Variants in ATG2A observed in about 807,000 individuals in gnomAD.
The protein encoded by ATG2A is autophagy-related protein 2 homolog A.
A neutral mutation model predicts 214.2 loss-of-function variants in ATG2A; 103 were observed. The ratio of observed to expected loss-of-function variants is 0.48; its 90% confidence interval spans 0.41 to 0.57. The LOEUF is 0.57. ATG2A is among the 20% of genes least tolerant of loss of function. The pLI, the probability that ATG2A is intolerant of heterozygous loss-of-function variation, is 0.00. For missense variants in ATG2A, 2,312 were observed against 2,613.2 expected (o/e 0.88, Z 2.51); for synonymous variants, 1,160 against 1,142.1 (o/e 1.02, Z -0.32).
rs778015554 is a variant in ATG2A, at chr11:64,907,862, A to G, written c.2393T>C (p.Met798Thr). 1.9e-6 allele frequency: 3 copies of G among 1,613,002 alleles called. No individual in the cohort carries two copies. The highest frequency in any genetic ancestry group is 2.5e-6 in the Non-Finnish European group (3 of 1,179,876). ...CAGGGTCCGGCTCTGGAACGTCCTC[A>G]TCTCCTCAGGGTCTCCAGGGATCAC... is the stretch of plus-strand genomic sequence containing the variant. ...EMVIPGDPEE[M>T]RTFQSRTLAL... Residue 798 changes from methionine (M) to threonine (T), a missense_variant, in exon 17 of 41, where the codon ATG becomes ACG. Coordinates refer to ENST00000377264, the MANE Select transcript of ATG2A (RefSeq NM_015104.3).
intron 1 of ATG2A, among the ~76,000 whole-genome samples, chr11:64,915,135 C>G (rs1022067153): frequency 3.0e-4 from 5 of 16,420 alleles, no homozygotes; most frequent in Non-Finnish European, 1.4e-3. Context: ...AGATGGGACC[C>G]CCCCCCCCCA....
rs1467890229 is a variant in ATG2A at position 64,895,014 on chromosome 11, C to T, written c.5776G>A (p.Asp1926Asn). The T allele has an allele frequency of 5.0e-6, 8 of 1,613,014 alleles. No homozygotes were observed. The highest frequency in any genetic ancestry group is 1.1e-5 in the South Asian group (1 of 91,048). Residue 1926 changes from aspartate (D) to asparagine (N), a missense_variant, in exon 41 of 41, where the codon GAC becomes AAC. By Grantham distance (23) the Asp-to-Asn change is conservative (BLOSUM62 1). Transcript: ENST00000377264. This position sits in a 1 kb window ranked among gnomAD's most constrained non-coding sequence, Gnocchi z 5.0. Reference sequence around the variant, plus strand: ...TCCGAGCGCCACTTGAGGGCGTGGTCCTTGTGGGCGTCGGGGACAATCTGG... The same window carrying T: ...TCCGAGCGCCACTTGAGGGCGTGGTTCTTGTGGGCGTCGGGGACAATCTGG... ...RNQIVPDAHKDHALKWRSDSA... is the reference protein window; with the variant it reads ...RNQIVPDAHKNHALKWRSDSA...
intron 12 of ATG2A, 133 bp downstream of exon 12, chr11:64,910,483 G>A (rs773542460): frequency 3.9e-5 from 44 of 1,142,636 alleles, no homozygotes; most frequent in Admixed American, 3.1e-4. Flanking sequence ...GGTATTTGAG[G>A]GCCCCAGCAT....
chr11:64,907,408 G>A lies in ATG2A; in HGVS notation c.2679C>T (p.Asp893=), dbSNP rs1431303709. 2 of 1,587,434 alleles carry A rather than the reference G, an allele frequency of 1.3e-6. No individual in the cohort carries two copies. The highest frequency in any genetic ancestry group is 1.3e-5 in the African/African-American group (1 of 74,424). The change falls in exon 19 of 41, where the codon GAC becomes GAT. Residue 893 remains aspartate, a synonymous_variant. Transcript: ENST00000377264. ...ANCFDLTPDS[D]SDDEDAHFFS... is the part of the protein sequence containing the mutation. ...AGAAGTGGGCATCCTCGTCATCCGA[G>A]TCCGAGTCTGGGGTGAGATCAAAGC...
Position 64,902,280 on chromosome 11 carries a change from C to T in ATG2A, c.3884G>A (p.Arg1295Gln), listed in dbSNP as rs1174489270. ...TTCACCTGAAGGCTGGGCCAGCTCCCGTAGGCTGCGCTCGGTGTCCAGGAG... is the reference window on the plus strand; with the variant it reads ...TTCACCTGAAGGCTGGGCCAGCTCCTGTAGGCTGCGCTCGGTGTCCAGGAG... ...DALLDTERSLRELAQPSGGHL... is the reference protein window; with the variant it reads ...DALLDTERSLQELAQPSGGHL... The change falls in exon 28 of 41, where the codon CGG (arginine) becomes CAG (glutamine). Residue 1295 changes from arginine to glutamine, a missense_variant. Physicochemically the swap from Arg to Gln is conservative, Grantham distance 43. Transcript: ENST00000377264. The T allele has an allele frequency of 3.7e-6, 6 of 1,612,926 alleles. No individual in the cohort carries two copies. The highest frequency in any genetic ancestry group is 1.7e-5 in the Admixed American group (1 of 59,998).
intron 1 of ATG2A, 97 bp downstream of exon 1, chr11:64,916,868 C>T (rs1361649648): frequency 2.0e-6 from 3 of 1,521,908 alleles, no homozygotes; most frequent in Non-Finnish European, 2.7e-6. Context: ...TCTCTACGCC[C>T]GGTGCCTGAT....
rs767409080 is a variant in ATG2A, at chr11:64,898,072, G to A, written c.4858+14C>T. 2.0e-5 allele frequency: 33 copies of A among 1,613,420 alleles called. 1 individual carries two copies. In the South Asian group the frequency reaches 3.4e-4, roughly 17 times the overall value. ...GAAGGCCCAGACGCTCCCCTCCCTG[G>A]CCCAGCCTCTCACCCTCAGCGGAGG... On this transcript the variant is annotated intron_variant, in intron 34 of 40. Transcript: ENST00000377264. This position sits in a 1 kb window ranked among gnomAD's most constrained non-coding sequence, Gnocchi z 4.5.
rs756549544 is a variant in ATG2A at position 64,896,755 on chromosome 11, G to T, written c.5265C>A (p.Val1755=). Reference sequence around the variant, plus strand: ...CCAAACCTAGACACTCACAGAGCTGGACAACCGAGTGCATGGGGCCCACGC... The same window carrying T: ...CCAAACCTAGACACTCACAGAGCTGTACAACCGAGTGCATGGGGCCCACGC... ...LGGVGPMHSV[V]QLFQGFRDLL... Residue 1755 remains valine (V), a synonymous_variant, in exon 38 of 41, where the codon GTC becomes GTA. Coordinates refer to ENST00000377264, the MANE Select transcript of ATG2A (RefSeq NM_015104.3). 1 of 1,614,222 alleles carries T rather than the reference G, an allele frequency of 6.2e-7. No homozygotes were observed. Among genetic ancestry groups the T allele is most frequent in the East Asian group, 2.2e-5 (1 of 44,884 alleles).
In ATG2A at chr11:64,917,025, C is replaced by CTGG; in HGVS notation, c.108_110dup (p.Asp36_Gln37insHis). 2 of 1,613,868 alleles carry CTGG rather than the reference C, an allele frequency of 1.2e-6. No homozygotes were observed. The highest frequency in any genetic ancestry group is 8.5e-7 in the Non-Finnish European group (1 of 1,180,024). The stretch of plus-strand genomic sequence containing the variant: ...TGCCCTTGTACAGATCGAGGCTGAG[C>CTGG]TGGTCCAGGCTGAGGTGCTCTTGGA... On this transcript the variant is annotated inframe_insertion, in exon 1 of 41. Transcript: ENST00000377264.
rs375939691 is a variant in ATG2A, at chr11:64,895,132, C to A, written c.5658G>T (p.Val1886=). 6.8e-6 allele frequency: 11 copies of A among 1,613,114 alleles called. No homozygotes were observed. The East Asian group carries it at 1.1e-4, about 16-fold the overall frequency. The change falls in exon 41 of 41, where the codon GTG becomes GTT. Residue 1886 remains valine, a synonymous_variant. Coordinates refer to ENST00000377264, the MANE Select transcript of ATG2A (RefSeq NM_015104.3). The surrounding 1 kb of genome is among the most constrained non-coding windows in gnomAD (Gnocchi z 5.0). Reference sequence around the variant, plus strand: ...GGGGCAGCTGGCGGATCACGCCCCCCACGGCGCCCGTCAGCCCCTTCTGCT... The same window carrying A: ...GGGGCAGCTGGCGGATCACGCCCCCAACGGCGCCCGTCAGCCCCTTCTGCT... The part of the protein sequence containing the change: ...GHEQKGLTGA[V]GGVIRQLPPT...
At chr11:64,912,622 T>A in intron 6 of ATG2A, 199 bp from the exon 7 acceptor site, 5 of 566,562 alleles carry the variant, frequency 8.8e-6, no homozygotes. Flanking sequence ...AGATGGAGTT[T>A]CACTCTTGTT....
rs1377832235 is a variant in ATG2A at position 64,913,799 on chromosome 11, C to A, written c.590+22G>T. On this transcript the variant is annotated intron_variant, in intron 4 of 40. Transcript: ENST00000377264. This position sits in a 1 kb window ranked among gnomAD's most constrained non-coding sequence, Gnocchi z 4.3. ...CACTCCCCATCTTCACACCAGTCCA[C>A]CCCAGATCGGCCTGCCCTTACCTCT... 6.2e-7 allele frequency: 1 copy of A among 1,608,612 alleles called. No homozygotes were observed. The highest frequency in any genetic ancestry group is 1.1e-5 in the South Asian group (1 of 91,020).
intron 21 of ATG2A, 23 bp from the exon 22 acceptor site, chr11:64,906,216 G>A (rs749912949): frequency 1.2e-6 from 2 of 1,611,556 alleles, no homozygotes; most frequent in South Asian, 1.1e-5. Flanking sequence ...GCGCAGTCAG[G>A]GCAGTGGGGA....
At position 64,903,798 on chromosome 11, in the gene ATG2A, T is replaced by G. The variant is rs1287672898; in HGVS notation, c.3465-138A>C. 1 of 782,640 alleles carries G rather than the reference T, an allele frequency of 1.3e-6. No individual in the cohort carries two copies. Among genetic ancestry groups the G allele is most frequent in the Non-Finnish European group, 2.0e-6 (1 of 504,310 alleles). 48.5% of individuals were successfully genotyped at this position (782,640 alleles called of 1,614,324 possible). A position where few individuals can be genotyped will look rare whatever the true frequency, so the allele number is the denominator to read the frequency against. The stretch of plus-strand genomic sequence containing the variant: ...AGCCTCAGCGTTCCTGCCTGCACAA[T>G]GGGGAGAAGGCCCAGACAGCAGGCA... On this transcript the variant is annotated intron_variant, in intron 24 of 40. Transcript: ENST00000377264. This position sits in a 1 kb window ranked among gnomAD's most constrained non-coding sequence, Gnocchi z 4.2.
At position 64,913,623 on chromosome 11, in the gene ATG2A, A is replaced by ACT. The variant is rs761452468; in HGVS notation, c.590+196_590+197dup. ...TAACTTGGTTCTTGGGGCCTCGGCC[A>ACT]CTCTGGGCCTGTATCACCTGGCCTC... On this transcript the variant is annotated intron_variant, in intron 4 of 40. Coordinates refer to ENST00000377264, the MANE Select transcript of ATG2A (RefSeq NM_015104.3). This position sits in a 1 kb window ranked among gnomAD's most constrained non-coding sequence, Gnocchi z 4.3. The ACT allele has an allele frequency of 1.3e-6, 1 of 786,660 alleles. No homozygotes were observed. The highest frequency in any genetic ancestry group is 2.0e-6 in the Non-Finnish European group (1 of 506,818). 48.7% of individuals were successfully genotyped at this position (786,660 alleles called of 1,614,324 possible).
intron 19 of ATG2A, 117 bp from the exon 20 acceptor site, chr11:64,906,932 T>C (rs1944574396): frequency 4.0e-6 from 5 of 1,246,666 alleles, no homozygotes; most frequent in Non-Finnish European, 4.4e-6. Flanking sequence ...GTTTCCACCA[T>C]GGACGCTGCT....
Position 64,906,391 on chromosome 11 carries a change from TC to T in ATG2A, c.3125del (p.Gly1042AspfsTer19). ...GASGRKGQGR[G>X]PHMLSTAVRI... ...GCACAGCAGTGGACAACATGTGGGGTCCCCGGCCCTGGCCCTTGCGGCCCGA... is the reference window on the plus strand; with the variant it reads ...GCACAGCAGTGGACAACATGTGGGGTCCCGGCCCTGGCCCTTGCGGCCCGA... On this transcript the variant is annotated frameshift_variant, in exon 21 of 41. Transcript: ENST00000377264. LOFTEE classifies it high-confidence loss of function. The T allele has an allele frequency of 6.2e-7, 1 of 1,613,192 alleles. No homozygotes were observed. Among genetic ancestry groups the T allele is most frequent in the Non-Finnish European group, 8.5e-7 (1 of 1,179,958 alleles).
rs997200118 is a variant in ATG2A, at chr11:64,910,606, G to A, written c.1707+10C>T. 2 of 1,591,416 alleles carry A rather than the reference G, an allele frequency of 1.3e-6. No homozygotes were observed. The highest frequency in any genetic ancestry group is 1.7e-6 in the Non-Finnish European group (2 of 1,170,032). On this transcript the variant is annotated intron_variant, in intron 12 of 40. Coordinates refer to ENST00000377264, the MANE Select transcript of ATG2A (RefSeq NM_015104.3). ...GGGGACAGCCTGGTGGCCTGGAGCG[G>A]GTGGGTTACCTTAGGCACACGGCGC...
chr11:64,909,445 G>A lies in ATG2A; in HGVS notation c.2108-78C>T, dbSNP rs544323937. On this transcript the variant is annotated intron_variant, in intron 14 of 40. Transcript: ENST00000377264. ...CTTCCCCAATGCCCAGGTCGGCTCA[G>A]AGCTGTGCCCCCGACTCCACACACA... 1.6e-5 allele frequency: 24 copies of A among 1,494,324 alleles called. No individual in the cohort carries two copies. The South Asian group carries it at 2.8e-4, about 17-fold the overall frequency. The allele number at this position is 1,494,324 out of a possible 1,614,324, so 92.6% of individuals were successfully genotyped here. A position where few individuals can be genotyped will look rare whatever the true frequency, so the allele number is the denominator to read the frequency against.
Sources: gnomAD v4.1 joint callset for allele counts (sites outside exome capture counted in the v4.1 genomes callset) on GRCh38, gnomAD v4.1.1 for gene constraint, Gnocchi (gnomAD v3.1) non-coding constraint, MANE v1.5 for transcripts, NCBI Gene and HGNC (gene_info 2026-07-23, HGNC 2026-07-21) for gene names.